CBX1: variants seen among roughly 807,000 people sequenced by gnomAD.
CBX1 encodes chromobox protein homolog 1.
In CBX1, 10 loss-of-function variants were observed where a neutral mutation model predicts 25.1. The observed-to-expected ratio is 0.40, with a 90% CI of 0.25 to 0.68. The LOEUF is 0.68. Among genes scored for constraint, CBX1 ranks in the 30% least tolerant of loss-of-function variants. The probability of loss-of-function intolerance (pLI) is 0.40; values close to 1 mark genes in which losing one functional copy is unlikely to be tolerated. For synonymous variants in CBX1, 63 were observed against 79.4 expected, an observed-to-expected ratio of 0.79 and a Z score of 1.10; for missense variants, 106 against 218.5, an observed-to-expected ratio of 0.49 and a Z score of 3.25.
intron 1 of CBX1, among the ~76,000 whole-genome samples, chr17:48,084,528 C>T (rs903937829): frequency 4.0e-5 from 6 of 149,448 alleles, no homozygotes; most frequent in Non-Finnish European, 8.8e-5. Flanking sequence ...TGTTAAACTC[C>T]TGGCCTCACA....
At chr17:48,100,898 C>T (rs2063405811) in intron 1 of CBX1, 4 of 985,552 alleles carry the variant, frequency 4.1e-6, no homozygotes, top group South Asian at 4.7e-5. Context: ...TCGTATGCGC[C>T]TCCTCACGCC....
chr17:48,076,107 T>C lies in CBX1; in HGVS notation c.212A>G (p.Gln71Arg). 1 of 1,612,878 alleles carries C rather than the reference T, an allele frequency of 6.2e-7. No homozygotes were observed. The highest frequency in any genetic ancestry group is 8.5e-7 in the Non-Finnish European group (1 of 1,179,006). Reference sequence around the variant, plus strand: ...TTTATCTGTCTCATGTGCTGTTTTCTGTGACTGCAGAAACTCAGCAATGAG... The same window carrying C: ...TTTATCTGTCTCATGTGCTGTTTTCCGTGACTGCAGAAACTCAGCAATGAG... ...PDLIAEFLQS[Q>R]KTAHETDKSE... The change falls in exon 3 of 5, where the codon CAG becomes CGG. Residue 71 changes from glutamine (Q) to arginine (R), a missense_variant. Coordinates refer to ENST00000225603, the MANE Select transcript of CBX1 (RefSeq NM_001127228.2).
intron 1 of CBX1, among the ~76,000 whole-genome samples, chr17:48,090,002 C>T (rs1297114897): frequency 6.6e-6 from 1 of 151,006 alleles, no homozygotes; most frequent in Non-Finnish European, 1.5e-5. Context: ...CTCACTGCAA[C>T]CTCCGCCTCC....
At chr17:48,072,200 C>T (rs753231620) in intron 4 of CBX1, among the ~76,000 whole-genome samples, 18 of 151,774 alleles carry the variant, frequency 1.2e-4, no homozygotes, top group Non-Finnish European at 1.8e-4. Flanking sequence ...GTTTTGCCAT[C>T]TCTACTAAAG....
intron 1 of CBX1, among the ~76,000 whole-genome samples, chr17:48,098,255 A>G (rs1032894748): frequency 1.4e-5 from 1 of 72,438 alleles, no homozygotes; most frequent in African/African-American, 5.5e-5. Context: ...GTCTTAAAAA[A>G]ACAAAAAACA....
chr17:48,093,499 C>T (rs2063355767), intron 1 of CBX1, among the ~76,000 whole-genome samples: 1 of 152,124 alleles, frequency 6.6e-6, no homozygotes, highest in African/African-American at 2.4e-5. Context: ...GAGTTTGAAA[C>T]CAGGCTTTAC....
At chr17:48,080,993 T>TAA (rs761110850) in intron 1 of CBX1, among the ~76,000 whole-genome samples, 1 of 69,540 alleles carries the variant, frequency 1.4e-5, no homozygotes, top group African/African-American at 8.1e-5. Flanking sequence ...TATATATATA[T>TAA]AAAATTTGTC....
intron 1 of CBX1, among the ~76,000 whole-genome samples, chr17:48,086,962 G>A (rs2063315338): frequency 1.3e-5 from 2 of 151,958 alleles, no homozygotes; most frequent in Admixed American, 1.3e-4. Flanking sequence ...GGCAGAGGTG[G>A]GCAGATCACA....
At chr17:48,092,775 T>C (rs1170814914) in intron 1 of CBX1, among the ~76,000 whole-genome samples, 2 of 151,538 alleles carry the variant, frequency 1.3e-5, no homozygotes, top group African/African-American at 4.8e-5. Flanking sequence ...TCTAAAAGAT[T>C]AATTAATTAA....
At chr17:48,072,514 G>A (rs1358763575) in intron 4 of CBX1, among the ~76,000 whole-genome samples, 9 of 152,144 alleles carry the variant, frequency 5.9e-5, no homozygotes, top group East Asian at 1.9e-4. Context: ...GTGGCTGGCC[G>A]CAGTGGCTCA....
chr17:48,092,349 G>A (rs924744758), intron 1 of CBX1, among the ~76,000 whole-genome samples: 6 of 151,744 alleles, frequency 4.0e-5, no homozygotes, highest in Non-Finnish European at 8.8e-5. Context: ...GAGGCACTGT[G>A]GCTCACACCT....
chr17:48,074,970 A>G (rs559113773), intron 4 of CBX1, 36 bp downstream of exon 4: 1 of 1,467,168 alleles, frequency 6.8e-7, no homozygotes, highest in Admixed American at 1.7e-5. Context: ...TGGGAGAAGA[A>G]AAAAAACAAC....
chr17:48,098,786 C>T (rs1295853083), intron 1 of CBX1, among the ~76,000 whole-genome samples: 1 of 152,144 alleles, frequency 6.6e-6, no homozygotes, highest in African/African-American at 2.4e-5. Flanking sequence ...GAAAATCTAC[C>T]AAATCTAATG....
At chr17:48,074,782 C>A in intron 4 of CBX1, 1 of 494,508 alleles carries the variant, frequency 2.0e-6, no homozygotes, top group Middle Eastern at 5.4e-4. Flanking sequence ...TTGTCTCCCA[C>A]CTCCTAAAAA....
At chr17:48,075,514 A>G (rs1210149047) in intron 3 of CBX1, among the ~76,000 whole-genome samples, 2 of 152,114 alleles carry the variant, frequency 1.3e-5, no homozygotes, top group African/African-American at 2.4e-5. Context: ...TCTTTTGCCA[A>G]TATTTCACCA....
chr17:48,077,278 C>T (rs1016450839), intron 1 of CBX1, among the ~76,000 whole-genome samples: 2 of 147,368 alleles, frequency 1.4e-5, no homozygotes, highest in African/African-American at 5.1e-5. Context: ...TTTTGAGAGA[C>T]GGAGTCTTGC....
chr17:48,074,993 C>G lies in CBX1; in HGVS notation c.413+13G>C, dbSNP rs191768236. On this transcript the variant is annotated intron_variant, in intron 4 of 4. Coordinates refer to ENST00000225603, the MANE Select transcript of CBX1 (RefSeq NM_001127228.2). ...GAAAAAAAACAACCACACAGAGCCA[C>G]TGGCCGACTCACCATTTCATCAGGA... 2,537 of 1,589,782 alleles carry G rather than the reference C, an allele frequency of 1.6e-3. 23 individuals carry two copies. The East Asian group carries it at 0.02, about 12-fold the overall frequency.
intron 1 of CBX1, among the ~76,000 whole-genome samples, chr17:48,086,522 C>A (rs2063312860): frequency 6.6e-6 from 1 of 152,164 alleles, no homozygotes; most frequent in Non-Finnish European, 1.5e-5. Context: ...GAAACTAAAC[C>A]AGTAGGGTTT....
intron 2 of CBX1, 24 bp from the exon 3 acceptor site, chr17:48,076,202 TCA>T: frequency 6.6e-7 from 1 of 1,508,072 alleles, no homozygotes; most frequent in South Asian, 1.4e-5. Context: ...GCACAGCAAG[TCA>T]CACTTTCACT....
Sources: gnomAD v4.1 joint callset for allele counts (sites outside exome capture counted in the v4.1 genomes callset) on GRCh38, gnomAD v4.1.1 for gene constraint, MANE v1.5 for transcripts, NCBI Gene and HGNC (gene_info 2026-07-23, HGNC 2026-07-21) for gene names.